CHRM3: variants seen among roughly 807,000 people sequenced by gnomAD.
CHRM3 encodes the protein muscarinic acetylcholine receptor M3.
A neutral mutation model predicts 41.8 loss-of-function variants in CHRM3; 11 were observed. The observed-to-expected ratio is 0.26, with a 90% CI of 0.17 to 0.44. CHRM3 has a LOEUF of 0.44. CHRM3 is among the 20% of genes least tolerant of loss of function. The probability of loss-of-function intolerance (pLI) is 1.00; values close to 1 mark genes in which losing one functional copy is unlikely to be tolerated. For synonymous variants in CHRM3, 297 were observed against 301.4 expected (o/e 0.99, Z 0.15); for missense variants, 571 against 745.4 (o/e 0.77, Z 2.72).
intron 4 of CHRM3, among the ~76,000 whole-genome samples, chr1:239,654,421 C>T (rs756460074): frequency 8.5e-5 from 13 of 152,138 alleles, no homozygotes; most frequent in East Asian, 1.9e-4. Context: ...GCTTTTGAGA[C>T]GGAGTCTCAC....
At chr1:239,838,357 G>A (rs148390493) in intron 6 of CHRM3, among the ~76,000 whole-genome samples, 1 of 152,220 alleles carries the variant, frequency 6.6e-6, no homozygotes, top group African/African-American at 2.4e-5. Flanking sequence ...ACAAATGTTT[G>A]TGGTTAAAGA....
At chr1:239,818,579 T>C (rs1372347431) in intron 5 of CHRM3, among the ~76,000 whole-genome samples, 1 of 152,154 alleles carries the variant, frequency 6.6e-6, no homozygotes, top group Non-Finnish European at 1.5e-5. Context: ...AGGGCCAGCC[T>C]CTCATTTCTG....
intron 5 of CHRM3, among the ~76,000 whole-genome samples, chr1:239,679,833 C>T (rs1658383679): frequency 6.6e-6 from 1 of 152,084 alleles, no homozygotes; most frequent in South Asian, 2.1e-4. Context: ...TTCTCTTTCT[C>T]TGTAAATGGT....
chr1:239,680,430 G>A (rs1345147004), intron 5 of CHRM3, among the ~76,000 whole-genome samples: 1 of 152,062 alleles, frequency 6.6e-6, no homozygotes, highest in Non-Finnish European at 1.5e-5. Flanking sequence ...TCCCAGAAGT[G>A]ACCCATAGTG....
chr1:239,460,290 A>G (rs1256200057), intron 1 of CHRM3, among the ~76,000 whole-genome samples: 2 of 152,106 alleles, frequency 1.3e-5, no homozygotes, highest in Non-Finnish European at 2.9e-5. Flanking sequence ...TTTCTTGAGT[A>G]TGGGCTTCCA....
chr1:239,610,103 G>C (rs1274049108), intron 3 of CHRM3, among the ~76,000 whole-genome samples: 5 of 148,894 alleles, frequency 3.4e-5, no homozygotes, highest in Non-Finnish European at 7.4e-5. Context: ...TGAGGCAGGA[G>C]AATGGCGTGA....
intron 3 of CHRM3, among the ~76,000 whole-genome samples, chr1:239,562,814 G>A (rs1172184418): frequency 1.3e-5 from 2 of 150,886 alleles, no homozygotes; most frequent in African/African-American, 4.9e-5. Context: ...CTTGAAACTG[G>A]AAGGTGGAGG....
chr1:239,677,939 A>G (rs949289461), intron 4 of CHRM3, among the ~76,000 whole-genome samples: 1 of 152,232 alleles, frequency 6.6e-6, no homozygotes, highest in African/African-American at 2.4e-5. Context: ...TGTGTTGAAC[A>G]GGAGGTTACA....
intron 5 of CHRM3, among the ~76,000 whole-genome samples, chr1:239,716,503 A>C (rs755217411): frequency 1.3e-5 from 2 of 152,112 alleles, no homozygotes; most frequent in Non-Finnish European, 2.9e-5. Context: ...TTAAGACTTT[A>C]AGCCATGTAC....
At chr1:239,695,285 C>G (rs1456748624) in intron 5 of CHRM3, among the ~76,000 whole-genome samples, 1 of 152,172 alleles carries the variant, frequency 6.6e-6, no homozygotes, top group East Asian at 1.9e-4. Context: ...GCTGGGATTA[C>G]AGGTGTGAGC....
intron 1 of CHRM3, among the ~76,000 whole-genome samples, chr1:239,401,276 A>C (rs1414144653): frequency 1.3e-5 from 2 of 152,156 alleles, no homozygotes; most frequent in East Asian, 3.9e-4. Flanking sequence ...TCAAAAACAG[A>C]AATCTGTGCT....
intron 5 of CHRM3, among the ~76,000 whole-genome samples, chr1:239,735,340 G>A (rs2148453058): frequency 6.6e-6 from 1 of 152,258 alleles, no homozygotes; most frequent in African/African-American, 2.4e-5. Flanking sequence ...CCAGATAGTC[G>A]TGTTCAGCAC....
intron 5 of CHRM3, among the ~76,000 whole-genome samples, chr1:239,702,256 C>G (rs773006720): frequency 6.6e-6 from 1 of 152,134 alleles, no homozygotes; most frequent in Admixed American, 6.5e-5. Context: ...GGGTAATTAA[C>G]CTATACCCAG....
intron 2 of CHRM3, among the ~76,000 whole-genome samples, chr1:239,509,292 T>A (rs1205491771): frequency 6.6e-6 from 1 of 152,214 alleles, no homozygotes; most frequent in Non-Finnish European, 1.5e-5. Flanking sequence ...GTGTTTTTTT[T>A]AAACTAGTGA....
intron 2 of CHRM3, among the ~76,000 whole-genome samples, chr1:239,514,344 AT>A (rs34991204): frequency 2.3e-5 from 2 of 87,988 alleles, no homozygotes; most frequent in African/African-American, 8.8e-5. Context: ...GATCTCGTAC[AT>A]TTTTTTAAGT....
At chr1:239,527,996 C>T (rs1476673071) in intron 2 of CHRM3, among the ~76,000 whole-genome samples, 1 of 152,086 alleles carries the variant, frequency 6.6e-6, no homozygotes, top group Non-Finnish European at 1.5e-5. Context: ...GCAAAGTTCT[C>T]AGCACAGAAT....
chr1:239,791,970 T>C (rs577952790), intron 5 of CHRM3, among the ~76,000 whole-genome samples: 1 of 152,350 alleles, frequency 6.6e-6, no homozygotes, highest in African/African-American at 2.4e-5. Flanking sequence ...CTTCAAATAC[T>C]GGTTTAGAAA....
intron 5 of CHRM3, among the ~76,000 whole-genome samples, chr1:239,759,189 TTTTTTTTAGA>T (rs1666515911): frequency 7.4e-6 from 1 of 134,298 alleles, no homozygotes; most frequent in African/African-American, 3.3e-5. Flanking sequence ...TTTGTTTTTT[TTTTTTTTAGA>T]GAGAGGCTTA....
intron 1 of CHRM3, among the ~76,000 whole-genome samples, chr1:239,388,647 C>T (rs985843462): frequency 3.3e-5 from 5 of 152,240 alleles, no homozygotes; most frequent in East Asian, 1.9e-4. Context: ...AGTGGTAGCA[C>T]GTTAATAAAA....
Sources: allele counts gnomAD v4.1 joint callset (sites outside exome capture counted in the v4.1 genomes callset), GRCh38; gene constraint gnomAD v4.1.1; transcripts MANE v1.5; gene names NCBI Gene and HGNC (gene_info 2026-07-23, HGNC 2026-07-21).